Variants in CDK14 observed in about 807,000 individuals in gnomAD.
CDK14 encodes the protein cyclin-dependent kinase 14.
Under a neutral mutation model 60.7 loss-of-function variants are expected in CDK14, and 34 were observed. The observed-to-expected ratio is 0.56, with a 90% CI of 0.43 to 0.75. The LOEUF (loss-of-function observed/expected upper bound fraction) is 0.75. CDK14 is among the 30% of genes least tolerant of loss of function. The pLI is 0.00. For missense variants in CDK14, 482 were observed against 564.1 expected, an observed-to-expected ratio of 0.85 and a Z score of 1.47; for synonymous variants, 197 against 203.7, an observed-to-expected ratio of 0.97 and a Z score of 0.28.
In CDK14 at chr7:91,050,887, G is replaced by A. The variant is rs537426722; in HGVS notation, c.1105+4927G>A. 1.9e-4 allele frequency among the ~76,000 whole-genome samples: 29 copies of A among 152,294 alleles called. No homozygotes were observed. In the South Asian group the frequency reaches 5.8e-3, roughly 30 times the overall value. On this transcript the variant is annotated intron_variant, in intron 11 of 14. Coordinates refer to ENST00000380050, the MANE Select transcript of CDK14 (RefSeq NM_001287135.2). ...GACTTCCCTAAAGTTAGTGTCAGAG[G>A]TGAAAGTAGATCCCATGTCTCCGTG...
At chr7:90,801,880 T>G (rs1317598380) in intron 5 of CDK14, among the ~76,000 whole-genome samples, 1 of 152,196 alleles carries the variant, frequency 6.6e-6, no homozygotes, top group Non-Finnish European at 1.5e-5. Flanking sequence ...GATGCCTAGA[T>G]ACTTCTTACC....
chr7:90,698,012 G>A (rs1455822971), intron 2 of CDK14, among the ~76,000 whole-genome samples: 1 of 129,638 alleles, frequency 7.7e-6, no homozygotes, highest in Non-Finnish European at 1.6e-5. Flanking sequence ...AGCTTTCAGT[G>A]AGCTGAGATC....
chr7:90,788,710 T>A (rs1034079434), intron 4 of CDK14, among the ~76,000 whole-genome samples: 1 of 152,176 alleles, frequency 6.6e-6, no homozygotes, highest in Non-Finnish European at 1.5e-5. Flanking sequence ...CTATGGCAGT[T>A]TTTTGAGCGA....
At chr7:90,699,460 C>T (rs530961842) in intron 2 of CDK14, among the ~76,000 whole-genome samples, 14 of 152,226 alleles carry the variant, frequency 9.2e-5, no homozygotes, top group Non-Finnish European at 1.3e-4. Context: ...TCTAAGTATT[C>T]CCATAAGATT....
At chr7:90,982,493 G>A (rs1795256954) in intron 9 of CDK14, among the ~76,000 whole-genome samples, 1 of 152,074 alleles carries the variant, frequency 6.6e-6, no homozygotes, top group Admixed American at 6.5e-5. Flanking sequence ...GGATCTCTGG[G>A]GTTTGTGGTC....
At chr7:90,858,857 G>C (rs754093166) in intron 5 of CDK14, among the ~76,000 whole-genome samples, 36 of 152,184 alleles carry the variant, frequency 2.4e-4, no homozygotes, top group Admixed American at 9.8e-4. Flanking sequence ...TACTGGGCTA[G>C]TTGAATAATT....
At chr7:90,835,241 G>A (rs1270461068) in intron 5 of CDK14, among the ~76,000 whole-genome samples, 1 of 152,162 alleles carries the variant, frequency 6.6e-6, no homozygotes, top group Non-Finnish European at 1.5e-5. Flanking sequence ...GAATTTGTAA[G>A]GATTGGGATC....
chr7:90,909,486 A>G (rs1792819729), intron 7 of CDK14, among the ~76,000 whole-genome samples: 1 of 136,838 alleles, frequency 7.3e-6, no homozygotes. Flanking sequence ...TAACTTGGAA[A>G]CCTACTTACT....
chr7:90,905,348 CCAAA>C (rs1341110242), intron 7 of CDK14, among the ~76,000 whole-genome samples: 1 of 151,914 alleles, frequency 6.6e-6, no homozygotes, highest in African/African-American at 2.4e-5. Flanking sequence ...ACAAAGAAAA[CCAAA>C]CAAAGGAAAA....
intron 4 of CDK14, among the ~76,000 whole-genome samples, chr7:90,774,963 G>C (rs1584879089): frequency 6.6e-6 from 1 of 152,150 alleles, no homozygotes; most frequent in Non-Finnish European, 1.5e-5. Context: ...AGTACTTGGG[G>C]ACTCCTCAGA....
At chr7:90,810,049 G>GA (rs1253358575) in intron 5 of CDK14, among the ~76,000 whole-genome samples, 8 of 152,152 alleles carry the variant, frequency 5.3e-5, no homozygotes, top group Non-Finnish European at 7.3e-5. Context: ...GTATAAGGAG[G>GA]AGCTGGTACC....
At chr7:90,625,781 G>T (rs886248567) in intron 2 of CDK14, among the ~76,000 whole-genome samples, 1 of 152,142 alleles carries the variant, frequency 6.6e-6, no homozygotes, top group Non-Finnish European at 1.5e-5. Context: ...TTGTTCCCCC[G>T]GCCAGGAATG....
intron 10 of CDK14, among the ~76,000 whole-genome samples, chr7:91,023,713 T>C (rs1038813106): frequency 3.9e-5 from 6 of 152,206 alleles, no homozygotes; most frequent in Non-Finnish European, 4.4e-5. Flanking sequence ...ACAGGTGTTA[T>C]CATTATCCCA....
chr7:91,005,769 G>T (rs899528478), intron 10 of CDK14, among the ~76,000 whole-genome samples: 1 of 152,200 alleles, frequency 6.6e-6, no homozygotes, highest in Non-Finnish European at 1.5e-5. Context: ...TGTGGCTGTT[G>T]TACCATTCTG....
chr7:90,768,639 C>G (rs1804663166), intron 4 of CDK14, among the ~76,000 whole-genome samples: 1 of 152,082 alleles, frequency 6.6e-6, no homozygotes, highest in Non-Finnish European at 1.5e-5. Flanking sequence ...TTTGTATTTT[C>G]TTTTTAGTCA....
chr7:90,922,509 A>G (rs960365397), intron 8 of CDK14, among the ~76,000 whole-genome samples: 3 of 152,188 alleles, frequency 2.0e-5, no homozygotes, highest in Non-Finnish European at 4.4e-5. Flanking sequence ...TGAACAGACT[A>G]TTAAGATTAC....
intron 2 of CDK14, among the ~76,000 whole-genome samples, chr7:90,668,555 G>A (rs553898231): frequency 4.0e-5 from 6 of 151,762 alleles, no homozygotes; most frequent in Non-Finnish European, 7.4e-5. Context: ...TGTATTTTTC[G>A]TGTCTAATCT....
chr7:90,770,334 T>C (rs1485584487), intron 4 of CDK14, among the ~76,000 whole-genome samples: 1 of 152,256 alleles, frequency 6.6e-6, no homozygotes, highest in East Asian at 1.9e-4. Flanking sequence ...AACTTTTTAG[T>C]ATACTTATCT....
intron 12 of CDK14, among the ~76,000 whole-genome samples, chr7:91,109,598 C>G (rs1799416302): frequency 6.6e-6 from 1 of 151,944 alleles, no homozygotes; most frequent in Admixed American, 6.6e-5. Flanking sequence ...AGCAGTAATT[C>G]CAAATATATC....
Sources: allele counts gnomAD v4.1 joint callset (sites outside exome capture counted in the v4.1 genomes callset), GRCh38; gene constraint gnomAD v4.1.1; transcripts MANE v1.5; gene names NCBI Gene and HGNC (gene_info 2026-07-23, HGNC 2026-07-21).